Variants in ATP8A2 observed in about 807,000 individuals in gnomAD.
The protein encoded by ATP8A2 is phospholipid-transporting ATPase IB.
A neutral mutation model predicts 165.6 loss-of-function variants in ATP8A2; 100 were observed. The ratio of observed to expected loss-of-function variants is 0.60; its 90% CI spans 0.51 to 0.71. The LOEUF (loss-of-function observed/expected upper bound fraction) is 0.71. ATP8A2 is among the 30% of genes least tolerant of loss of function. The pLI, the probability that ATP8A2 is intolerant of heterozygous loss-of-function variation, is 0.00. For missense variants in ATP8A2, 1,227 were observed against 1,479.5 expected, an observed-to-expected ratio of 0.83 and a Z score of 2.80; for synonymous variants, 543 against 548.8, an observed-to-expected ratio of 0.99 and a Z score of 0.15.
chr13:25,726,155 A>C (rs986553986), intron 25 of ATP8A2, among the ~76,000 whole-genome samples: 4 of 152,198 alleles, frequency 2.6e-5, no homozygotes, highest in African/African-American at 9.7e-5. Context: ...TGTAAAGAGG[A>C]TAATTTTCTA....
intron 33 of ATP8A2, among the ~76,000 whole-genome samples, chr13:25,952,619 A>T (rs1285467897): frequency 2.0e-5 from 3 of 152,014 alleles, no homozygotes; most frequent in Non-Finnish European, 2.9e-5. Flanking sequence ...ACCGTCCTTC[A>T]CCTCAGCATC....
intron 30 of ATP8A2, among the ~76,000 whole-genome samples, chr13:25,840,755 G>C (rs1375364814): frequency 6.6e-6 from 1 of 152,180 alleles, no homozygotes; most frequent in Non-Finnish European, 1.5e-5. Flanking sequence ...TTTTGTTTCA[G>C]AGGCTGTGAT....
At chr13:25,532,935 G>A (rs1404470841) in intron 5 of ATP8A2, among the ~76,000 whole-genome samples, 2 of 152,146 alleles carry the variant, frequency 1.3e-5, no homozygotes, top group Admixed American at 1.3e-4. Flanking sequence ...CAAAGTGTTA[G>A]GATTACAGGT....
At chr13:25,601,625 A>G (rs1304862643) in intron 24 of ATP8A2, among the ~76,000 whole-genome samples, 1 of 152,090 alleles carries the variant, frequency 6.6e-6, no homozygotes, top group African/African-American at 2.4e-5. Context: ...ACAGGCATGC[A>G]CCACCAGGCC....
chr13:25,855,752 G>C (rs760853418), intron 30 of ATP8A2, among the ~76,000 whole-genome samples: 122 of 152,150 alleles, frequency 8.0e-4, no homozygotes, highest in Non-Finnish European at 2.2e-4. Flanking sequence ...CAGTTTTCCA[G>C]GGTTTGCACC....
At chr13:25,887,190 T>C (rs944149841) in intron 33 of ATP8A2, among the ~76,000 whole-genome samples, 1 of 152,172 alleles carries the variant, frequency 6.6e-6, no homozygotes, top group Admixed American at 6.5e-5. Flanking sequence ...CTAAGTTCTG[T>C]CCATGGGTAT....
At chr13:25,997,932 A>T (rs1392190143) in intron 35 of ATP8A2, among the ~76,000 whole-genome samples, 2 of 152,096 alleles carry the variant, frequency 1.3e-5, no homozygotes, top group African/African-American at 4.8e-5. Flanking sequence ...GCATCTATTG[A>T]TCATTTTTAT....
At chr13:25,660,014 A>G (rs2042015531) in intron 24 of ATP8A2, among the ~76,000 whole-genome samples, 2 of 152,200 alleles carry the variant, frequency 1.3e-5, no homozygotes, top group African/African-American at 4.8e-5. Flanking sequence ...AGTTGTTTCT[A>G]TTAGTAATAG....
At chr13:25,864,374 T>C (rs1306106976) in intron 33 of ATP8A2, among the ~76,000 whole-genome samples, 5 of 152,184 alleles carry the variant, frequency 3.3e-5, no homozygotes, top group Non-Finnish European at 1.5e-5. Flanking sequence ...GTGCGTGAAT[T>C]AGGCTGCTTG....
At chr13:25,925,889 C>A (rs191539512) in intron 33 of ATP8A2, among the ~76,000 whole-genome samples, 2 of 151,990 alleles carry the variant, frequency 1.3e-5, no homozygotes, top group East Asian at 3.9e-4. Context: ...CCATGCCTGC[C>A]TAATTTTTGT....
At chr13:25,775,396 A>G (rs2044719078) in intron 27 of ATP8A2, among the ~76,000 whole-genome samples, 1 of 152,084 alleles carries the variant, frequency 6.6e-6, no homozygotes, top group African/African-American at 2.4e-5. Flanking sequence ...CTTATTTCTC[A>G]CAGACTCTGC....
intron 28 of ATP8A2, among the ~76,000 whole-genome samples, chr13:25,835,119 A>G (rs982996401): frequency 6.6e-6 from 1 of 152,130 alleles, no homozygotes; most frequent in African/African-American, 2.4e-5. Context: ...AAGTTTAAAA[A>G]AAGAAAAAGA....
intron 1 of ATP8A2, among the ~76,000 whole-genome samples, chr13:25,398,870 G>T (rs1199057430): frequency 6.6e-6 from 1 of 151,592 alleles, no homozygotes; most frequent in Non-Finnish European, 1.5e-5. Context: ...AAAGGGTGCT[G>T]TCTGCCGTAA....
In ATP8A2 at chr13:25,737,622, C is replaced by T. The variant is rs111459281; in HGVS notation, c.2385-31424C>T. Among the ~76,000 whole-genome samples the T allele has an allele frequency of 6.3e-4, 96 of 152,280 alleles. 1 individual carries two copies. The highest frequency in any genetic ancestry group is 2.4e-3 in the Admixed American group (37 of 15,298). On this transcript the variant is annotated intron_variant, in intron 25 of 36. Coordinates refer to ENST00000381655, the MANE Select transcript of ATP8A2 (RefSeq NM_016529.6). ...CAAGCAGTCCTCCTACCTCAGCCTT[C>T]GGAGTAGCTGGGACCACAGGCAAAT...
At chr13:25,582,519 T>C (rs1187633747) in intron 23 of ATP8A2, among the ~76,000 whole-genome samples, 1 of 152,250 alleles carries the variant, frequency 6.6e-6, no homozygotes, top group Non-Finnish European at 1.5e-5. Context: ...TTTTTAAAAA[T>C]CTAATCTTGA....
Position 25,529,998 on chromosome 13 carries a change from G to C in ATP8A2, c.222-1G>C. On this transcript the variant is annotated splice_acceptor_variant, in intron 2 of 36. Transcript: ENST00000381655. LOFTEE classifies it high-confidence loss of function. ...AGTATTATTTTTCTTTGCACTTACA[G>C]TACGGCCAAGTACAGCGTGTTGACA... 1 of 1,595,588 alleles carries C rather than the reference G, an allele frequency of 6.3e-7. No homozygotes were observed. The highest frequency in any genetic ancestry group is 2.2e-5 in the East Asian group (1 of 44,716).
chr13:25,577,699 G>A (rs560050618), intron 20 of ATP8A2, among the ~76,000 whole-genome samples: 28 of 152,194 alleles, frequency 1.8e-4, no homozygotes, highest in African/African-American at 6.5e-4. Context: ...TATCTCAAAG[G>A]AAAGATGTTA....
intron 33 of ATP8A2, among the ~76,000 whole-genome samples, chr13:25,888,185 G>C (rs769946346): frequency 1.9e-4 from 28 of 150,534 alleles, no homozygotes; most frequent in Non-Finnish European, 1.0e-4. Flanking sequence ...TGATCGCTCT[G>C]TAAGGATGCT....
chr13:26,018,694 CT>C (rs1337439337), intron 36 of ATP8A2, among the ~76,000 whole-genome samples: 16 of 152,282 alleles, frequency 1.1e-4, no homozygotes, highest in Non-Finnish European at 2.2e-4. Flanking sequence ...CCACTCTGGG[CT>C]TGTGAACACT....
Sources: allele counts gnomAD v4.1 joint callset (sites outside exome capture counted in the v4.1 genomes callset), GRCh38; gene constraint gnomAD v4.1.1; transcripts MANE v1.5; gene names NCBI Gene and HGNC (gene_info 2026-07-23, HGNC 2026-07-21).